The following WDR54 variants were observed in gnomAD, a reference collection of about 807,000 sequenced individuals.
WDR54 encodes WD repeat domain 54, also known as WD repeat-containing protein 54.
In WDR54, 44 loss-of-function variants were observed where a neutral mutation model predicts 44.1. That is an observed-to-expected ratio of 1.00 (90% CI 0.78 to 1.28). WDR54 has a LOEUF of 1.28. Ranked by LOEUF, WDR54 falls within the 50% of genes most tolerant of loss-of-function variation. The pLI, the probability that WDR54 is intolerant of heterozygous loss-of-function variation, is 0.00. For missense variants in WDR54, 409 were observed against 429.7 expected (o/e 0.95, Z 0.43); for synonymous variants, 169 against 169.8 (o/e 1.00, Z 0.04).
chr2:74,422,744 G>A, intron 2 of WDR54, 126 bp from the exon 3 acceptor site: 1 of 875,452 alleles, frequency 1.1e-6, no homozygotes, highest in Non-Finnish European at 1.8e-6. Flanking sequence ...AGTGAGCCGA[G>A]ATGGCGCCAC....
intron 6 of WDR54, 135 bp from the exon 7 acceptor site, chr2:74,424,736 TCTAG>T: frequency 9.8e-7 from 1 of 1,018,968 alleles, no homozygotes; most frequent in South Asian, 1.4e-5. Context: ...TTCTGATGGG[TCTAG>T]CTAGTGAGAG....
intron 1 of WDR54, 111 bp from the exon 2 acceptor site, chr2:74,422,042 C>A: frequency 8.6e-7 from 1 of 1,157,570 alleles, no homozygotes; most frequent in Non-Finnish European, 1.3e-6. Context: ...GCACCCCATC[C>A]TATGACCCAG....
At chr2:74,423,730 G>T in intron 5 of WDR54, 125 bp from the exon 6 acceptor site, 1 of 1,483,276 alleles carries the variant, frequency 6.7e-7, no homozygotes, top group Middle Eastern at 1.8e-4. Flanking sequence ...AAGGGGCATG[G>T]CCGTTGGAGC....
intron 3 of WDR54, 146 bp downstream of exon 3, chr2:74,423,078 C>A: frequency 2.1e-6 from 2 of 942,662 alleles, no homozygotes; most frequent in Non-Finnish European, 1.6e-6. Flanking sequence ...TATCTTCAAT[C>A]TTTCCATCTT....
chr2:74,422,577 G>GC, intron 2 of WDR54: 2 of 671,478 alleles, frequency 3.0e-6, no homozygotes, highest in Non-Finnish European at 5.0e-6. Context: ...GGCACTTGAG[G>GC]CCAGGAGTTC....
At chr2:74,422,981 C>T in intron 3 of WDR54, 49 bp downstream of exon 3, 1 of 1,594,790 alleles carries the variant, frequency 6.3e-7, no homozygotes. Context: ...TCTCAGCTTC[C>T]CTGCCAGGCT....
chr2:74,424,805 C>T (rs1670286009), intron 6 of WDR54, 70 bp from the exon 7 acceptor site: 3 of 1,585,020 alleles, frequency 1.9e-6, no homozygotes, highest in Admixed American at 1.7e-5. Flanking sequence ...TGCCTCCCTT[C>T]CCCTCCTGCC....
chr2:74,424,181 T>C (rs755315926), intron 6 of WDR54, among the ~76,000 whole-genome samples, 199 bp downstream of exon 6: 4 of 152,246 alleles, frequency 2.6e-5, no homozygotes, highest in Non-Finnish European at 5.9e-5. Flanking sequence ...TAATTAAGAC[T>C]TTATAATACT....
In WDR54 at chr2:74,425,242, G is replaced by C. The variant is rs576689456; in HGVS notation, c.798+5G>C. 3.9e-5 allele frequency: 60 copies of C among 1,531,924 alleles called. 1 individual carries two copies. In the South Asian group the frequency reaches 7.7e-4, roughly 20 times the overall value. 94.9% of individuals were successfully genotyped at this position (1,531,924 alleles called of 1,614,324 possible). On this transcript the variant is annotated splice_donor_5th_base_variant and intron_variant, in intron 8 of 9. Transcript: ENST00000348227. ...CTGGCTTCTGAGGTGGGCAAGGTAA[G>C]TCTCCTCCTCTGTACCTACATACCC...
chr2:74,425,502 T>A lies in WDR54; in HGVS notation c.873+11T>A. On this transcript the variant is annotated intron_variant, in intron 9 of 9. Coordinates refer to ENST00000348227, the MANE Select transcript of WDR54 (RefSeq NM_032118.4). ...AGTGGCTACATTGAGGTATGTGTCA[T>A]GGGGTGGGTGGAATGGGGGGGCCCA... is the stretch of plus-strand genomic sequence containing the variant. 1 of 1,614,060 alleles carries A rather than the reference T, an allele frequency of 6.2e-7. No individual in the cohort carries two copies. Among genetic ancestry groups the A allele is most frequent in the Non-Finnish European group, 8.5e-7 (1 of 1,179,984 alleles).
In WDR54 at chr2:74,422,172, T is replaced by C; in HGVS notation, c.19T>C (p.Ser7Pro). MFRWER[S>P]IPLRGSAAAL... ...ACACAGGATGTTCCGCTGGGAGCGCTCCATTCCCCTGCGAGGCTCGGCCGC... is the reference window on the plus strand; with the variant it reads ...ACACAGGATGTTCCGCTGGGAGCGCCCCATTCCCCTGCGAGGCTCGGCCGC... The change falls in exon 2 of 10, where the codon TCC (serine) becomes CCC (proline). Residue 7 changes from serine to proline, a missense_variant. Ser to Pro is a moderately conservative substitution (Grantham distance 74). Transcript: ENST00000348227. The C allele has an allele frequency of 6.2e-7, 1 of 1,613,210 alleles. No homozygotes were observed.
At chr2:74,423,102 G>T in intron 3 of WDR54, 170 bp downstream of exon 3, 1 of 855,364 alleles carries the variant, frequency 1.2e-6, no homozygotes. Flanking sequence ...CAGTTTCCAA[G>T]TGCCACCTCC....
chr2:74,424,837 G>A (rs764027383), intron 6 of WDR54, 38 bp from the exon 7 acceptor site: 6 of 1,612,830 alleles, frequency 3.7e-6, no homozygotes, highest in South Asian at 2.2e-5. Context: ...ACCATAGCAG[G>A]GGAGAAAGGG....
In WDR54 at chr2:74,422,188, G is replaced by A; in HGVS notation, c.35G>A (p.Gly12Asp). Reference sequence around the variant, plus strand: ...TGGGAGCGCTCCATTCCCCTGCGAGGCTCGGCCGCCGCCCTGTGCAACAAC... The same window carrying A: ...TGGGAGCGCTCCATTCCCCTGCGAGACTCGGCCGCCGCCCTGTGCAACAAC... ...FRWERSIPLR[G>D]SAAALCNNLS... The change falls in exon 2 of 10, where the codon GGC becomes GAC. Residue 12 changes from glycine (G) to aspartate (D), a missense_variant. Physicochemically the swap from Gly to Asp is moderately conservative, Grantham distance 94 (BLOSUM62 -1). Transcript: ENST00000348227. 1 of 1,613,652 alleles carries A rather than the reference G, an allele frequency of 6.2e-7. No individual in the cohort carries two copies. The highest frequency in any genetic ancestry group is 8.5e-7 in the Non-Finnish European group (1 of 1,180,030).
intron 1 of WDR54, 87 bp from the exon 2 acceptor site, chr2:74,422,066 C>T: frequency 7.1e-7 from 1 of 1,406,620 alleles, no homozygotes; most frequent in African/African-American, 1.4e-5. Flanking sequence ...CAGGCATCTT[C>T]CGAAATGCTC....
rs777208002 is a variant in WDR54 at position 74,423,534 on chromosome 2, G to A, written c.406+3G>A. On this transcript the variant is annotated splice_donor_region_variant and intron_variant, in intron 5 of 9. Coordinates refer to ENST00000348227, the MANE Select transcript of WDR54 (RefSeq NM_032118.4). ...CAGTGGCCACTTCATCTGTGTGGGT[G>A]AGGGAGCCAAGTGCAGGGCATGGAG... 30 of 1,613,760 alleles carry A rather than the reference G, an allele frequency of 1.9e-5. No individual in the cohort carries two copies. Among genetic ancestry groups the A allele is most frequent in the Non-Finnish European group, 2.5e-6 (3 of 1,179,850 alleles).
rs764588786 is a variant in WDR54 at position 74,422,409 on chromosome 2, C to G, written c.222+34C>G. 7.0e-6 allele frequency: 11 copies of G among 1,580,958 alleles called. No homozygotes were observed. The Admixed American group carries it at 1.2e-4, about 18-fold the overall frequency. On this transcript the variant is annotated intron_variant, in intron 2 of 9. Transcript: ENST00000348227. ...TGGAGCTGGGAGTGATGTTGCTGAA[C>G]CCAGTCCTACCCCCAGCCTTTTCTC...
At position 74,423,185 on chromosome 2, in the gene WDR54, A is replaced by C. The variant is rs72905472; in HGVS notation, c.286-134A>C. ...CACTCTCACTGTTGTCCTCTGAAAA[A>C]ATTAGGATAAAAATAGTACCTACAT... On this transcript the variant is annotated intron_variant, in intron 3 of 9. Transcript: ENST00000348227. 4.1e-3 allele frequency: 4,704 copies of C among 1,134,716 alleles called. 147 individuals are homozygous for C. In the African/African-American group the frequency reaches 0.064, roughly 16 times the overall value. 70.3% of individuals were successfully genotyped at this position (1,134,716 alleles called of 1,614,324 possible).
Position 74,424,918 on chromosome 2 carries a change from T to A in WDR54, c.578T>A (p.Leu193Gln). 1 of 1,614,248 alleles carries A rather than the reference T, an allele frequency of 6.2e-7. No individual in the cohort carries two copies. Among genetic ancestry groups the A allele is most frequent in the Non-Finnish European group, 8.5e-7 (1 of 1,180,040 alleles). The change falls in exon 7 of 10, where the codon CTG (leucine) becomes CAG (glutamine). Residue 193 changes from leucine (L) to glutamine (Q), a missense_variant. Coordinates refer to ENST00000348227, the MANE Select transcript of WDR54 (RefSeq NM_032118.4). The stretch of plus-strand genomic sequence containing the variant: ...GTGACGGCAGATGACTCAGGCTTGC[T>A]GTGTGTCTGGCGGTCAGGGCCAGAA... The part of the protein sequence containing the change: ...DMVTADDSGL[L>Q]CVWRSGPEFT...
Sources: gnomAD v4.1 joint callset for allele counts (sites outside exome capture counted in the v4.1 genomes callset) on GRCh38, gnomAD v4.1.1 for gene constraint, MANE v1.5 for transcripts, NCBI Gene and HGNC (gene_info 2026-07-23, HGNC 2026-07-21) for gene names.